The following LIM2 variants were observed in gnomAD, a reference collection of about 807,000 sequenced individuals.
The protein encoded by LIM2 is lens fiber membrane intrinsic protein.
A neutral mutation model predicts 19.0 loss-of-function variants in LIM2; 14 were observed. The observed-to-expected ratio is 0.74, with a 90% CI of 0.49 to 1.15. The LOEUF (loss-of-function observed/expected upper bound fraction) is 1.15, where lower values mean the gene tolerates loss of function less well. Ranked by LOEUF, LIM2 falls within the 50% of genes most tolerant of loss-of-function variation. The pLI is 0.00. For missense variants in LIM2, 230 were observed against 243.5 expected, an observed-to-expected ratio of 0.94 and a Z score of 0.37; for synonymous variants, 78 against 89.6, an observed-to-expected ratio of 0.87 and a Z score of 0.73.
At chr19:51,383,012 CTTTTTTTTTCTTTTCTT>C (rs1986939101) in intron 2 of LIM2, among the ~76,000 whole-genome samples, 1 of 128,298 alleles carries the variant, frequency 7.8e-6, no homozygotes, top group African/African-American at 2.7e-5. Flanking sequence ...TCTCACATTT[CTTTTTTTTTCTTTTCTT>C]TTTTTTTTTT....
intron 2 of LIM2, among the ~76,000 whole-genome samples, chr19:51,386,712 T>TAA (rs1568482473): frequency 0.024 from 3,569 of 148,928 alleles, 145 homozygotes; most frequent in African/African-American, 0.083. Context: ...CTGTATATTA[T>TAA]TGTCTATATG....
At chr19:51,383,236 T>C (rs988127974) in intron 2 of LIM2, among the ~76,000 whole-genome samples, 4 of 152,084 alleles carry the variant, frequency 2.6e-5, no homozygotes, top group Non-Finnish European at 5.9e-5. Flanking sequence ...CATTTTGCCA[T>C]GTTGGCCAGG....
rs1986849479 is a variant in LIM2 at position 51,380,024 on chromosome 19, C to T, written c.*177G>A. 1 of 653,790 alleles carries T rather than the reference C, an allele frequency of 1.5e-6. No individual in the cohort carries two copies. The highest frequency in any genetic ancestry group is 2.7e-6 in the Non-Finnish European group (1 of 365,174). 40.5% of individuals were successfully genotyped at this position (653,790 alleles called of 1,614,324 possible). Reference sequence around the variant, plus strand: ...GTCTTCTCAGCTCCCTCCCATGGGCCCTATTCTTCCTCCTTCCAGCCTAGG... The same window carrying T: ...GTCTTCTCAGCTCCCTCCCATGGGCTCTATTCTTCCTCCTTCCAGCCTAGG... On this transcript the variant is annotated 3_prime_UTR_variant, in exon 5 of 5. Transcript: ENST00000596399.
intron 2 of LIM2, 76 bp downstream of exon 2, chr19:51,387,193 T>A: frequency 6.2e-7 from 1 of 1,614,216 alleles, no homozygotes; most frequent in Non-Finnish European, 8.5e-7. Context: ...CCATCTGGAA[T>A]ACAGGTGTCC....
chr19:51,379,916 A>T lies in LIM2; in HGVS notation c.*285T>A. 1 of 554,298 alleles carries T rather than the reference A, an allele frequency of 1.8e-6. No homozygotes were observed. Among genetic ancestry groups the T allele is most frequent in the Non-Finnish European group, 3.2e-6 (1 of 308,876 alleles). 34.3% of individuals were successfully genotyped at this position (554,298 alleles called of 1,614,324 possible). A position where few individuals can be genotyped will look rare whatever the true frequency, so the allele number is the denominator to read the frequency against. On this transcript the variant is annotated 3_prime_UTR_variant, in exon 5 of 5. Transcript: ENST00000596399. ...CAAGTATTAACACTTTAGTAGTTTC[A>T]CATCAGTTTTATTAGGCCCCAGAAA...
chr19:51,387,695 G>A (rs1029612348), intron 1 of LIM2, among the ~76,000 whole-genome samples: 4 of 152,090 alleles, frequency 2.6e-5, no homozygotes, highest in East Asian at 1.9e-4. Flanking sequence ...AGAAAAGGCC[G>A]GGGGCCTGGA....
In LIM2 at chr19:51,380,224, G is replaced by A. The variant is rs1187385442; in HGVS notation, c.499C>T (p.Arg167Trp). The A allele has an allele frequency of 4.3e-6, 7 of 1,613,806 alleles. No individual in the cohort carries two copies. The highest frequency in any genetic ancestry group is 3.4e-6 in the Non-Finnish European group (4 of 1,179,924). Residue 167 changes from arginine to tryptophan, a missense_variant, in exon 5 of 5, where the codon CGG (arginine) becomes TGG (tryptophan). Coordinates refer to ENST00000596399, the MANE Select transcript of LIM2 (RefSeq NM_001161748.2). Reference protein sequence around the residue: ...YMCAYRVHECRRLSTPR With the variant: ...YMCAYRVHECWRLSTPR ...GCTCAGCGGGGTGTAGACAGGCGCCGGCATTCATGCACCCGGTAGGCGCAC... is the reference window on the plus strand; with the variant it reads ...GCTCAGCGGGGTGTAGACAGGCGCCAGCATTCATGCACCCGGTAGGCGCAC...
intron 2 of LIM2, among the ~76,000 whole-genome samples, chr19:51,385,413 C>T (rs532196792): frequency 1.5e-4 from 23 of 151,978 alleles, no homozygotes; most frequent in Admixed American, 5.2e-4. Flanking sequence ...CCCAGCTACT[C>T]GGGAGGCTGA....
At chr19:51,382,067 CCTAGT>C (rs1447552081) in intron 3 of LIM2, among the ~76,000 whole-genome samples, 5 of 152,156 alleles carry the variant, frequency 3.3e-5, no homozygotes, top group South Asian at 2.1e-4. Context: ...TTGGGAACCT[CCTAGT>C]TTGTAGCCAG....
At chr19:51,380,739 G>GAA in intron 3 of LIM2, 100 bp from the exon 4 acceptor site, 1 of 1,145,954 alleles carries the variant, frequency 8.7e-7, no homozygotes, top group South Asian at 1.3e-5. Flanking sequence ...TAAGATTGGG[G>GAA]AAAGGGGTGG....
chr19:51,386,738 C>T (rs1331028893), intron 2 of LIM2, among the ~76,000 whole-genome samples: 4 of 149,408 alleles, frequency 2.7e-5, no homozygotes, highest in Non-Finnish European at 5.9e-5. Flanking sequence ...ATATATAATA[C>T]ATCATAAATT....
intron 3 of LIM2, 81 bp from the exon 4 acceptor site, chr19:51,380,720 G>T: frequency 2.6e-6 from 4 of 1,547,640 alleles, no homozygotes; most frequent in African/African-American, 1.4e-5. Flanking sequence ...TGATGATGGG[G>T]GTGGGAACTA....
At chr19:51,386,540 C>T (rs116637498) in intron 2 of LIM2, among the ~76,000 whole-genome samples, 4,169 of 147,898 alleles carry the variant, frequency 0.028, 214 homozygotes, top group African/African-American at 0.096. Context: ...AATGTCATGA[C>T]ATATACTATT....
chr19:51,387,199 T>G (rs772924834), intron 2 of LIM2, 70 bp downstream of exon 2: 2 of 1,614,196 alleles, frequency 1.2e-6, no homozygotes, highest in Non-Finnish European at 8.5e-7. Context: ...GGAATACAGG[T>G]GTCCTTGGGC....
chr19:51,387,043 T>C lies in LIM2; in HGVS notation c.175+226A>G, dbSNP rs576816867. The C allele has an allele frequency of 7.6e-6, 6 of 793,158 alleles. No individual in the cohort carries two copies. The East Asian group carries it at 1.6e-4, about 21-fold the overall frequency. The allele number at this position is 793,158 out of a possible 1,614,324, so 49.1% of individuals were successfully genotyped here. ...ATGACACCTCTGAAGCGTCAGGAAA[T>C]GCCACCTCTCCCAACTTAACCTTCA... On this transcript the variant is annotated intron_variant, in intron 2 of 4. Coordinates refer to ENST00000596399, the MANE Select transcript of LIM2 (RefSeq NM_001161748.2).
chr19:51,387,455 G>A lies in LIM2; in HGVS notation c.-6-6C>T, dbSNP rs753072899. On this transcript the variant is annotated splice_region_variant and splice_polypyrimidine_tract_variant and intron_variant, in intron 1 of 4. Transcript: ENST00000596399. ...ATGAAGCTGTACATGGTGATCTGTG[G>A]GGAAGGGGAGAGATGGGATTGGGAG... The A allele has an allele frequency of 1.9e-6, 3 of 1,613,384 alleles. No individual in the cohort carries two copies. Among genetic ancestry groups the A allele is most frequent in the Non-Finnish European group, 2.5e-6 (3 of 1,179,982 alleles).
rs1199331784 is a variant in LIM2, at chr19:51,382,424, A to T, written c.319T>A (p.Ser107Thr). Reference sequence around the variant, plus strand: ...AGAGGGTGGGCTTACTCACTTGAGGAAAAAAACATGATGCCAGCAGAGAAG... The same window carrying T: ...AGAGGGTGGGCTTACTCACTTGAGGTAAAAAACATGATGCCAGCAGAGAAG... The part of the protein sequence containing the change: ...RPFSAGIMFF[S>T]STLFVVLALA... Residue 107 changes from serine (S) to threonine (T), a missense_variant, in exon 3 of 5, where the codon TCC becomes ACC. Ser to Thr is a moderately conservative substitution (Grantham distance 58, BLOSUM62 1). Transcript: ENST00000596399. 1 of 1,613,762 alleles carries T rather than the reference A, an allele frequency of 6.2e-7. No individual in the cohort carries two copies. The highest frequency in any genetic ancestry group is 8.5e-7 in the Non-Finnish European group (1 of 1,179,928).
At chr19:51,387,568 C>G in intron 1 of LIM2, 119 bp from the exon 2 acceptor site, 4 of 1,427,174 alleles carry the variant, frequency 2.8e-6, no homozygotes, top group Non-Finnish European at 3.8e-6. Context: ...GAGATGGAGA[C>G]CTAGACGCCT....
chr19:51,381,108 C>G (rs1197839954), intron 3 of LIM2, among the ~76,000 whole-genome samples: 2 of 151,930 alleles, frequency 1.3e-5, no homozygotes, highest in African/African-American at 2.4e-5. Flanking sequence ...GTCAGGAGAT[C>G]AAGATCAGCC....
Sources: allele counts gnomAD v4.1 joint callset (sites outside exome capture counted in the v4.1 genomes callset), GRCh38; gene constraint gnomAD v4.1.1; transcripts MANE v1.5; gene names NCBI Gene and HGNC (gene_info 2026-07-23, HGNC 2026-07-21).